CPED1: variants seen among roughly 807,000 people sequenced by gnomAD.
CPED1 encodes the protein cadherin-like and PC-esterase domain-containing protein 1.
Under a neutral mutation model 128.2 loss-of-function variants are expected in CPED1, and 114 were observed. That is an observed-to-expected ratio of 0.89 (90% CI 0.76 to 1.04). CPED1 has a LOEUF of 1.04. Ranked by LOEUF, CPED1 falls within the 50% of genes least tolerant of loss-of-function variation. CPED1 has a pLI of 0.00. For missense variants in CPED1, 1,211 were observed against 1,207.1 expected, an observed-to-expected ratio of 1.00 and a Z score of -0.05; for synonymous variants, 462 against 426.7, an observed-to-expected ratio of 1.08 and a Z score of -1.02.
intron 16 of CPED1, among the ~76,000 whole-genome samples, chr7:121,147,225 T>C (rs1796043859): frequency 1.3e-5 from 2 of 152,158 alleles, no homozygotes; most frequent in South Asian, 2.1e-4. Context: ...TTCATCTTTG[T>C]ATTTTAAATC....
intron 16 of CPED1, among the ~76,000 whole-genome samples, chr7:121,162,632 A>C (rs1351704363): frequency 1.3e-5 from 2 of 152,222 alleles, no homozygotes; most frequent in African/African-American, 4.8e-5. Context: ...TTTCACTGAA[A>C]AAATCCAGAT....
intron 16 of CPED1, among the ~76,000 whole-genome samples, chr7:121,210,767 C>T (rs115394206): frequency 0.012 from 1,785 of 151,338 alleles, 37 homozygotes; most frequent in African/African-American, 0.04. Context: ...CTACAGTCAA[C>T]AATAATCTAT....
intron 3 of CPED1, among the ~76,000 whole-genome samples, chr7:121,031,139 T>C (rs572504027): frequency 6.6e-6 from 1 of 152,342 alleles, no homozygotes; most frequent in Non-Finnish European, 1.5e-5. Flanking sequence ...GCATACACCA[T>C]ATTTTTAAAC....
intron 16 of CPED1, among the ~76,000 whole-genome samples, chr7:121,215,868 C>G (rs1339082008): frequency 2.0e-5 from 3 of 151,838 alleles, no homozygotes; most frequent in Non-Finnish European, 4.4e-5. Flanking sequence ...TTTGGCCAAG[C>G]AAGTATTAAG....
Position 121,163,457 on chromosome 7 carries a change from C to T in CPED1, c.2055+21316C>T, listed in dbSNP as rs571588876. Among the ~76,000 whole-genome samples the T allele has an allele frequency of 3.9e-5, 6 of 152,296 alleles. No homozygotes were observed. In the East Asian group the frequency reaches 9.6e-4, roughly 24 times the overall value. Reference sequence around the variant, plus strand: ...AGGAGCTGCAGGCAAAGTACCACCCCGACTCCCACTGTCACTGGACACACT... The same window carrying T: ...AGGAGCTGCAGGCAAAGTACCACCCTGACTCCCACTGTCACTGGACACACT... On this transcript the variant is annotated intron_variant, in intron 16 of 22. Transcript: ENST00000310396.
chr7:121,209,964 A>C (rs1173842657), intron 16 of CPED1, among the ~76,000 whole-genome samples: 1 of 152,054 alleles, frequency 6.6e-6, no homozygotes, highest in Admixed American at 6.6e-5. Context: ...AATAGAAAAA[A>C]AATCTGATAA....
intron 16 of CPED1, among the ~76,000 whole-genome samples, chr7:121,204,614 G>T (rs1797475106): frequency 6.6e-6 from 1 of 152,074 alleles, no homozygotes; most frequent in Admixed American, 6.6e-5. Flanking sequence ...CTTCACAGAG[G>T]ACTGGTCAGT....
At chr7:120,996,164 C>T (rs1796400786) in intron 2 of CPED1, among the ~76,000 whole-genome samples, 2 of 151,922 alleles carry the variant, frequency 1.3e-5, no homozygotes, top group Non-Finnish European at 1.5e-5. Flanking sequence ...TGCCTGGAGC[C>T]CCCCAGCTAC....
At chr7:121,088,260 A>G (rs1469983849) in intron 5 of CPED1, among the ~76,000 whole-genome samples, 7 of 152,204 alleles carry the variant, frequency 4.6e-5, no homozygotes. Flanking sequence ...TAAATTTGTG[A>G]AAAATAATTC....
At position 121,013,174 on chromosome 7, in the gene CPED1, G is replaced by A. The variant is rs1585017518; in HGVS notation, c.250-2491G>A. On this transcript the variant is annotated intron_variant, in intron 2 of 22. Transcript: ENST00000310396. ...ACTTTGGCTTTCTACAGGCTACTCA[G>A]TTCCCTCTAACTCCTGTGTCCAAAG... is the stretch of plus-strand genomic sequence containing the variant. 4.6e-5 allele frequency among the ~76,000 whole-genome samples: 7 copies of A among 152,244 alleles called. 1 individual carries two copies. Among genetic ancestry groups the A allele is most frequent in the Admixed American group, 4.6e-4 (7 of 15,286 alleles).
intron 22 of CPED1, among the ~76,000 whole-genome samples, chr7:121,286,205 C>T (rs1413354630): frequency 2.0e-5 from 3 of 152,174 alleles, no homozygotes; most frequent in African/African-American, 2.4e-5. Flanking sequence ...ATGGAGGTAA[C>T]TACCCCCATG....
chr7:121,070,577 G>C (rs1251794449), intron 5 of CPED1, among the ~76,000 whole-genome samples: 1 of 152,070 alleles, frequency 6.6e-6, no homozygotes, highest in East Asian at 1.9e-4. Flanking sequence ...AAGCCTCTTA[G>C]ATGTATTTGC....
chr7:121,285,393 C>T (rs915264279), intron 22 of CPED1, among the ~76,000 whole-genome samples: 4 of 152,200 alleles, frequency 2.6e-5, no homozygotes, highest in African/African-American at 9.6e-5. Flanking sequence ...CACTTGGCTC[C>T]TCATTACTGA....
intron 7 of CPED1, among the ~76,000 whole-genome samples, chr7:121,103,178 T>G (rs1794895689): frequency 6.6e-6 from 1 of 152,142 alleles, no homozygotes; most frequent in Non-Finnish European, 1.5e-5. Flanking sequence ...CTTATTCATA[T>G]TTTTGTCTTT....
chr7:121,150,573 G>A (rs1796134663), intron 16 of CPED1, among the ~76,000 whole-genome samples: 1 of 151,978 alleles, frequency 6.6e-6, no homozygotes, highest in Non-Finnish European at 1.5e-5. Context: ...ACCTAGTAAT[G>A]GTATTGTTGG....
intron 16 of CPED1, among the ~76,000 whole-genome samples, chr7:121,166,371 T>C (rs1466302644): frequency 6.6e-6 from 1 of 152,168 alleles, no homozygotes; most frequent in Non-Finnish European, 1.5e-5. Flanking sequence ...AAAATGATAA[T>C]GGATGCAAAA....
intron 22 of CPED1, among the ~76,000 whole-genome samples, chr7:121,282,560 A>G (rs76576174): frequency 0.024 from 3,627 of 152,328 alleles, 127 homozygotes; most frequent in South Asian, 0.13. Flanking sequence ...TTTAGAGCCT[A>G]TAAGAGTAAG....
intron 16 of CPED1, among the ~76,000 whole-genome samples, chr7:121,227,615 A>G (rs1409633667): frequency 6.6e-6 from 1 of 152,098 alleles, no homozygotes; most frequent in Admixed American, 6.6e-5. Context: ...TCAGCTATAT[A>G]TTAAGATGAA....
intron 7 of CPED1, among the ~76,000 whole-genome samples, chr7:121,109,760 A>C (rs960312530): frequency 2.0e-5 from 3 of 152,218 alleles, no homozygotes; most frequent in Non-Finnish European, 4.4e-5. Context: ...GATTATCTAC[A>C]TGAAGAATAT....
Sources: gnomAD v4.1 joint callset for allele counts (sites outside exome capture counted in the v4.1 genomes callset) on GRCh38, gnomAD v4.1.1 for gene constraint, MANE v1.5 for transcripts, NCBI Gene and HGNC (gene_info 2026-07-23, HGNC 2026-07-21) for gene names.